The following HAUS2 variants were observed in gnomAD, a reference collection of about 807,000 sequenced individuals.
HAUS2 encodes the protein HAUS augmin like complex subunit 2.
HAUS2 carries 20 observed loss-of-function variants against 21.6 expected under a neutral mutation model. The observed-to-expected ratio is 0.93, with a 90% CI of 0.65 to 1.35. The LOEUF (loss-of-function observed/expected upper bound fraction) is 1.35, where lower values mean the gene tolerates loss of function less well. Among genes scored for constraint, HAUS2 ranks in the 40% most tolerant of loss-of-function variants. HAUS2 has a pLI of 0.00. For missense variants in HAUS2, 297 were observed against 280.7 expected, an observed-to-expected ratio of 1.06 and a Z score of -0.42; for synonymous variants, 113 against 95.6, an observed-to-expected ratio of 1.18 and a Z score of -1.06.
chr15:42,552,209 A>AGAT (rs2057732653), intron 1 of HAUS2, among the ~76,000 whole-genome samples: 1 of 152,046 alleles, frequency 6.6e-6, no homozygotes, highest in Non-Finnish European at 1.5e-5. Flanking sequence ...TTTTTAGTAG[A>AGAT]GATGGGGTTT....
intron 1 of HAUS2, among the ~76,000 whole-genome samples, chr15:42,555,190 G>A (rs1406799258): frequency 6.6e-6 from 1 of 151,868 alleles, no homozygotes; most frequent in Non-Finnish European, 1.5e-5. Context: ...GTTTCACCAT[G>A]TTGGCCAGGA....
chr15:42,561,043 AT>A, intron 3 of HAUS2, among the ~76,000 whole-genome samples: 1 of 152,352 alleles, frequency 6.6e-6, no homozygotes, highest in African/African-American at 2.4e-5. Context: ...AGATTTGGTT[AT>A]CACTAGGAAA....
chr15:42,550,997 C>CTTTTT (rs56371573), intron 1 of HAUS2, among the ~76,000 whole-genome samples: 3 of 132,822 alleles, frequency 2.3e-5, no homozygotes, highest in African/African-American at 5.6e-5. Flanking sequence ...CTTTTCTTTT[C>CTTTTT]TTTTTTTTTT....
In HAUS2 at chr15:42,561,250, C is replaced by A. The variant is rs763994272; in HGVS notation, c.257-20C>A. 6.9e-7 allele frequency: 1 copy of A among 1,451,272 alleles called. No homozygotes were observed. Among genetic ancestry groups the A allele is most frequent in the Non-Finnish European group, 9.7e-7 (1 of 1,035,296 alleles). 89.9% of individuals were successfully genotyped at this position (1,451,272 alleles called of 1,614,324 possible). Reference sequence around the variant, plus strand: ...TTTGTCCTATTGCTAACTATAATTACTGTTTTTTAATTTGTATAGCTCAGA... The same window carrying A: ...TTTGTCCTATTGCTAACTATAATTAATGTTTTTTAATTTGTATAGCTCAGA... On this transcript the variant is annotated intron_variant, in intron 3 of 5. Coordinates refer to ENST00000260372, the MANE Select transcript of HAUS2 (RefSeq NM_018097.3).
chr15:42,556,834 A>T (rs2057781841), intron 1 of HAUS2, among the ~76,000 whole-genome samples: 1 of 141,234 alleles, frequency 7.1e-6, no homozygotes. Context: ...GTGAAACCCC[A>T]ACTGTACTAA....
In HAUS2 at chr15:42,569,195, G is replaced by A. The variant is rs1326480826; in HGVS notation, c.*2379G>A. 4 of 151,896 alleles carry A rather than the reference G, an allele frequency of 2.6e-5. No homozygotes were observed. The East Asian group carries it at 7.7e-4, about 29-fold the overall frequency. The allele number at this position is 151,896 out of a possible 1,614,324, so 9.4% of individuals were successfully genotyped here. ...CCTCAGGATATACTCTTTTTAATCAGTATTGTAACTAACCTTGGCTTATTT... is the reference window on the plus strand; with the variant it reads ...CCTCAGGATATACTCTTTTTAATCAATATTGTAACTAACCTTGGCTTATTT... On this transcript the variant is annotated 3_prime_UTR_variant, in exon 6 of 6. Coordinates refer to ENST00000260372, the MANE Select transcript of HAUS2 (RefSeq NM_018097.3).
chr15:42,566,869 A>T lies in HAUS2; in HGVS notation c.*53A>T, dbSNP rs1201409241. ...GTGTAGTCATATGAAGTCTATTTCTAGTTGACTGTAACATGGGTATTAATA... is the reference window on the plus strand; with the variant it reads ...GTGTAGTCATATGAAGTCTATTTCTTGTTGACTGTAACATGGGTATTAATA... On this transcript the variant is annotated 3_prime_UTR_variant, in exon 6 of 6. Transcript: ENST00000260372. 1.2e-6 allele frequency: 1 copy of T among 844,180 alleles called. No homozygotes were observed. The highest frequency in any genetic ancestry group is 1.7e-5 in the African/African-American group (1 of 59,708). The allele number at this position is 844,180 out of a possible 1,614,324, so 52.3% of individuals were successfully genotyped here. A position where few individuals can be genotyped will look rare whatever the true frequency, so the allele number is the denominator to read the frequency against.
rs777683397 is a variant in HAUS2, at chr15:42,566,569, GAC to G, written c.499-36_499-35del. 3.7e-6 allele frequency: 4 copies of G among 1,068,028 alleles called. No individual in the cohort carries two copies. In the South Asian group the frequency reaches 3.8e-5, roughly 10 times the overall value. The allele number at this position is 1,068,028 out of a possible 1,614,324, so 66.2% of individuals were successfully genotyped here. Reference sequence around the variant, plus strand: ...CTGATGATATAATGAATTAATAAGAGACATAATTTCTCCTGTTTCCCTTTTCA... The same window carrying G: ...CTGATGATATAATGAATTAATAAGAGATAATTTCTCCTGTTTCCCTTTTCA... On this transcript the variant is annotated intron_variant, in intron 5 of 5. Transcript: ENST00000260372.
At chr15:42,566,426 A>C (rs981863167) in intron 5 of HAUS2, among the ~76,000 whole-genome samples, 181 bp from the exon 6 acceptor site, 7 of 152,190 alleles carry the variant, frequency 4.6e-5, no homozygotes, top group Non-Finnish European at 1.5e-5. Flanking sequence ...TTGAAGACAA[A>C]AGAGTTGAAC....
In HAUS2 at chr15:42,558,284, C is replaced by T. The variant is rs746835779; in HGVS notation, c.180C>T (p.Ile60=). Residue 60 remains isoleucine, a synonymous_variant, in exon 2 of 6, where the codon ATC becomes ATT. Coordinates refer to ENST00000260372, the MANE Select transcript of HAUS2 (RefSeq NM_018097.3). The part of the protein sequence containing the change: ...LQQITNIQAE[I]YQKNLEIELL... ...AGATCACAAATATTCAAGCTGAAATCTACCAGGTAAATCATTTTGTTTTCA... is the reference window on the plus strand; with the variant it reads ...AGATCACAAATATTCAAGCTGAAATTTACCAGGTAAATCATTTTGTTTTCA... 1.4e-5 allele frequency: 14 copies of T among 1,010,374 alleles called. No individual in the cohort carries two copies. The highest frequency in any genetic ancestry group is 2.9e-5 in the South Asian group (2 of 70,126). The allele number at this position is 1,010,374 out of a possible 1,614,324, so 62.6% of individuals were successfully genotyped here.
chr15:42,568,618 G>A lies in HAUS2; in HGVS notation c.*1802G>A, dbSNP rs1478843441. 6.6e-6 allele frequency: 1 copy of A among 152,194 alleles called. No individual in the cohort carries two copies. The highest frequency in any genetic ancestry group is 6.5e-5 in the Admixed American group (1 of 15,282). The allele number at this position is 152,194 out of a possible 1,614,324, so 9.4% of individuals were successfully genotyped here. A position where few individuals can be genotyped will look rare whatever the true frequency, so the allele number is the denominator to read the frequency against. On this transcript the variant is annotated 3_prime_UTR_variant, in exon 6 of 6. Transcript: ENST00000260372. ...GTTCATGGTAGCTAACCTGTGGTTT[G>A]TGCTGAAAACCTGCTTTCTTCCTGG...
At chr15:42,558,890 C>G (rs371680727) in intron 2 of HAUS2, among the ~76,000 whole-genome samples, 1 of 151,986 alleles carries the variant, frequency 6.6e-6, no homozygotes, top group Non-Finnish European at 1.5e-5. Flanking sequence ...CCTAGGAAAT[C>G]GGGGCTGCAG....
At position 42,548,881 on chromosome 15, in the gene HAUS2, T is replaced by C; in HGVS notation, c.9T>C (p.Ala3=). The change falls in exon 1 of 6, where the codon GCT becomes GCC. Residue 3 remains alanine, a synonymous_variant. Transcript: ENST00000260372. MA[A]ANPWDPASAP... is the part of the protein sequence containing the mutation. The stretch of plus-strand genomic sequence containing the variant: ...GAAGGTGCGTCCGAGCCATGGCCGC[T>C]GCCAACCCGTGGGACCCGGCGTCCG... 2.6e-6 allele frequency: 4 copies of C among 1,549,872 alleles called. No individual in the cohort carries two copies. Among genetic ancestry groups the C allele is most frequent in the Non-Finnish European group, 3.5e-6 (4 of 1,146,550 alleles).
chr15:42,562,250 A>AT (rs1437604456), intron 4 of HAUS2, among the ~76,000 whole-genome samples: 3 of 152,190 alleles, frequency 2.0e-5, no homozygotes. Context: ...TAAGTGTCAG[A>AT]TTTTTTATTT....
chr15:42,566,763 C>A lies in HAUS2; in HGVS notation c.655C>A (p.Pro219Thr). The change falls in exon 6 of 6, where the codon CCT becomes ACT. Residue 219 changes from proline to threonine, a missense_variant. Coordinates refer to ENST00000260372, the MANE Select transcript of HAUS2 (RefSeq NM_018097.3). The part of the protein sequence containing the change: ...SYLYKHDIIM[P>T]PLPFTSKVHV... ...TCTTTATAAACATGATATTATAATGCCTCCTTTACCTTTTACTTCTAAAGT... is the reference window on the plus strand; with the variant it reads ...TCTTTATAAACATGATATTATAATGACTCCTTTACCTTTTACTTCTAAAGT... 6.4e-7 allele frequency: 1 copy of A among 1,554,174 alleles called. No homozygotes were observed. Among genetic ancestry groups the A allele is most frequent in the Non-Finnish European group, 8.9e-7 (1 of 1,125,628 alleles).
In HAUS2 at chr15:42,569,917, T is replaced by TA. The variant is rs1364209293; in HGVS notation, c.*3102dup. ...TGTATGTGTATGTCACAAATATTGA[T>TA]ATGCCTGGTTGTTTATTTTTGTTTT... On this transcript the variant is annotated 3_prime_UTR_variant, in exon 6 of 6. Coordinates refer to ENST00000260372, the MANE Select transcript of HAUS2 (RefSeq NM_018097.3). 2 of 152,250 alleles carry TA rather than the reference T, an allele frequency of 1.3e-5. No homozygotes were observed. The highest frequency in any genetic ancestry group is 1.9e-4 in the East Asian group (1 of 5,202). The allele number at this position is 152,250 out of a possible 1,614,324, so 9.4% of individuals were successfully genotyped here. A position where few individuals can be genotyped will look rare whatever the true frequency, so the allele number is the denominator to read the frequency against.
At chr15:42,552,189 A>AT in intron 1 of HAUS2, among the ~76,000 whole-genome samples, 1 of 151,910 alleles carries the variant, frequency 6.6e-6, no homozygotes, top group East Asian at 1.9e-4. Flanking sequence ...CGCCCGGCTA[A>AT]TTTTTTTAAT....
intron 2 of HAUS2, 24 bp from the exon 3 acceptor site, chr15:42,559,315 A>G (rs2057824445): frequency 4.2e-6 from 6 of 1,429,628 alleles, no homozygotes; most frequent in Non-Finnish European, 5.9e-6. Context: ...ATTGAGCTAA[A>G]TGTTACTTTT....
chr15:42,566,787 G>T lies in HAUS2; in HGVS notation c.679G>T (p.Val227Phe). 2.0e-6 allele frequency: 3 copies of T among 1,538,196 alleles called. No individual in the cohort carries two copies. The highest frequency in any genetic ancestry group is 2.7e-6 in the Non-Finnish European group (3 of 1,111,312). Residue 227 changes from valine (V) to phenylalanine (F), a missense_variant, in exon 6 of 6, where the codon GTT (valine) becomes TTT (phenylalanine). By Grantham distance (50) the Val-to-Phe change is conservative (BLOSUM62 -1). Coordinates refer to ENST00000260372, the MANE Select transcript of HAUS2 (RefSeq NM_018097.3). ...GCCTCCTTTACCTTTTACTTCTAAA[G>T]TTCATGTCCAAACTATTAATGCCAA... The part of the protein sequence containing the change: ...IMPPLPFTSK[V>F]HVQTINAK
Sources: gnomAD v4.1 joint callset for allele counts (sites outside exome capture counted in the v4.1 genomes callset) on GRCh38, gnomAD v4.1.1 for gene constraint, MANE v1.5 for transcripts, NCBI Gene and HGNC (gene_info 2026-07-23, HGNC 2026-07-21) for gene names.